MCC: variants seen among roughly 807,000 people sequenced by gnomAD.
The protein encoded by MCC is MCC regulator of Wnt signaling pathway, also known as colorectal mutant cancer protein.
Under a neutral mutation model 116.2 loss-of-function variants are expected in MCC, and 90 were observed. That is an observed-to-expected ratio of 0.77 (90% CI 0.65 to 0.92). MCC has a LOEUF of 0.92. MCC is among the 40% of genes least tolerant of loss of function. MCC has a pLI of 0.00. For synonymous variants in MCC, 578 were observed against 510.5 expected, an observed-to-expected ratio of 1.13 and a Z score of -1.78; for missense variants, 1,516 against 1,312.2, an observed-to-expected ratio of 1.16 and a Z score of -2.40.
At chr5:113,133,852 T>A (rs141152640) in intron 5 of MCC, among the ~76,000 whole-genome samples, 1 of 152,242 alleles carries the variant, frequency 6.6e-6, no homozygotes, top group Non-Finnish European at 1.5e-5. Flanking sequence ...CATTGTGATT[T>A]TGAATACTTT....
chr5:113,245,450 A>G (rs1263509642), intron 3 of MCC, among the ~76,000 whole-genome samples: 1 of 152,056 alleles, frequency 6.6e-6, no homozygotes, highest in African/African-American at 2.4e-5. Flanking sequence ...CACAAGCCAT[A>G]AACAACCTAA....
intron 3 of MCC, among the ~76,000 whole-genome samples, chr5:113,301,954 C>A (rs1441535380): frequency 6.6e-6 from 1 of 152,160 alleles, no homozygotes; most frequent in Non-Finnish European, 1.5e-5. Flanking sequence ...AAGACATGAT[C>A]CAGTTTACAT....
At chr5:113,072,379 C>T (rs1004660966) in intron 11 of MCC, among the ~76,000 whole-genome samples, 7 of 152,184 alleles carry the variant, frequency 4.6e-5, no homozygotes, top group African/African-American at 1.2e-4. Flanking sequence ...GCTTTTCTGC[C>T]CCTGTTCACA....
At chr5:113,487,960 C>G (rs1037521616) in intron 1 of MCC, among the ~76,000 whole-genome samples, 1 of 152,144 alleles carries the variant, frequency 6.6e-6, no homozygotes, top group Admixed American at 6.5e-5. Flanking sequence ...GAAGAACACT[C>G]CAAGCCCCCG....
At chr5:113,264,973 G>C (rs561568804) in intron 3 of MCC, among the ~76,000 whole-genome samples, 3 of 152,006 alleles carry the variant, frequency 2.0e-5, no homozygotes, top group Non-Finnish European at 2.9e-5. Flanking sequence ...CTTGGGAGGC[G>C]GAAGTTGCAG....
intron 3 of MCC, among the ~76,000 whole-genome samples, chr5:113,313,939 G>A (rs1034088186): frequency 2.0e-5 from 3 of 152,086 alleles, no homozygotes; most frequent in Non-Finnish European, 4.4e-5. Context: ...TCCCGCTTCG[G>A]CCTCCCAAGT....
chr5:113,131,295 C>T (rs931897547), intron 5 of MCC, among the ~76,000 whole-genome samples: 5 of 152,046 alleles, frequency 3.3e-5, no homozygotes, highest in African/African-American at 1.2e-4. Context: ...ATATATTTTT[C>T]CATTTCCCCC....
chr5:113,304,673 AT>A (rs1199749403), intron 3 of MCC, among the ~76,000 whole-genome samples: 1 of 152,118 alleles, frequency 6.6e-6, no homozygotes, highest in Non-Finnish European at 1.5e-5. Flanking sequence ...ATTTTTGCTC[AT>A]TTGTTCTCCA....
At chr5:113,244,088 G>C (rs564646202) in intron 3 of MCC, among the ~76,000 whole-genome samples, 1 of 152,222 alleles carries the variant, frequency 6.6e-6, no homozygotes, top group Admixed American at 6.5e-5. Context: ...TCTTTGGATA[G>C]CATACATGGA....
At chr5:113,072,887 C>T (rs1053357794) in intron 11 of MCC, among the ~76,000 whole-genome samples, 5 of 152,130 alleles carry the variant, frequency 3.3e-5, no homozygotes, top group African/African-American at 1.2e-4. Context: ...ACATTGCCAC[C>T]TCTAGTTTAA....
chr5:113,043,018 G>A (rs1019262254), intron 17 of MCC, among the ~76,000 whole-genome samples: 6 of 152,088 alleles, frequency 3.9e-5, no homozygotes, highest in South Asian at 2.1e-4. Context: ...GTGGAGATAC[G>A]GAAGACAGAG....
At chr5:113,447,114 A>C (rs1771244232) in intron 1 of MCC, among the ~76,000 whole-genome samples, 1 of 152,142 alleles carries the variant, frequency 6.6e-6, no homozygotes, top group Non-Finnish European at 1.5e-5. Flanking sequence ...AATAGGCATA[A>C]ATTTATCTCT....
chr5:113,139,763 C>T (rs1759069892), intron 5 of MCC, among the ~76,000 whole-genome samples: 1 of 152,070 alleles, frequency 6.6e-6, no homozygotes, highest in Admixed American at 6.6e-5. Context: ...GGTATATACC[C>T]AAAGGATTAT....
chr5:113,205,857 G>A (rs1457911293), intron 3 of MCC, among the ~76,000 whole-genome samples: 1 of 152,192 alleles, frequency 6.6e-6, no homozygotes, highest in Non-Finnish European at 1.5e-5. Flanking sequence ...TAACAATGAC[G>A]TTCAGTCAAC....
intron 14 of MCC, among the ~76,000 whole-genome samples, chr5:113,057,610 A>G (rs1752920090): frequency 1.3e-5 from 2 of 152,234 alleles, no homozygotes; most frequent in African/African-American, 4.8e-5. Context: ...AAGCGCGCCC[A>G]CAGCAGAGGG....
At chr5:113,084,246 T>A in intron 9 of MCC, 56 bp from the exon 10 acceptor site, 1 of 1,355,450 alleles carries the variant, frequency 7.4e-7, no homozygotes, top group Non-Finnish European at 1.1e-6. Context: ...TCAGATAAAC[T>A]GTTGGGACTA....
chr5:113,173,319 A>G (rs954139165), intron 3 of MCC, among the ~76,000 whole-genome samples: 2 of 152,206 alleles, frequency 1.3e-5, no homozygotes, highest in Non-Finnish European at 2.9e-5. Context: ...CATGGCATAC[A>G]TGAATTAGAA....
chr5:113,249,072 G>T (rs944993510), intron 3 of MCC, among the ~76,000 whole-genome samples: 15 of 152,034 alleles, frequency 9.9e-5, no homozygotes, highest in African/African-American at 3.1e-4. Context: ...TCGAACTCCT[G>T]ACCTCGTGAT....
intron 1 of MCC, among the ~76,000 whole-genome samples, chr5:113,423,853 C>T (rs886196789): frequency 2.0e-5 from 3 of 152,130 alleles, no homozygotes; most frequent in Admixed American, 6.5e-5. Flanking sequence ...GGTTACCACT[C>T]GTAGGATAAG....
Sources: allele counts gnomAD v4.1 joint callset (sites outside exome capture counted in the v4.1 genomes callset), GRCh38; gene constraint gnomAD v4.1.1; transcripts MANE v1.5; gene names NCBI Gene and HGNC (gene_info 2026-07-23, HGNC 2026-07-21).